Variants in AGBL4 observed in about 807,000 individuals in gnomAD.
The protein encoded by AGBL4 is cytosolic carboxypeptidase 6.
A neutral mutation model predicts 66.4 loss-of-function variants in AGBL4; 58 were observed. That is an observed-to-expected ratio of 0.87 (90% CI 0.71 to 1.09). AGBL4 has a LOEUF of 1.09. Ranked by LOEUF, AGBL4 falls within the 50% of genes least tolerant of loss-of-function variation. AGBL4 has a pLI of 0.00. For synonymous variants in AGBL4, 234 were observed against 222.9 expected (o/e 1.05, Z -0.44); for missense variants, 579 against 631.0 (o/e 0.92, Z 0.88).
chr1:49,953,553 G>A (rs2148329032), intron 1 of AGBL4, among the ~76,000 whole-genome samples: 1 of 151,880 alleles, frequency 6.6e-6, no homozygotes, highest in African/African-American at 2.4e-5. Context: ...CAGAAGTACA[G>A]GTTGAGCACG....
intron 5 of AGBL4, among the ~76,000 whole-genome samples, chr1:49,029,579 A>G (rs1321524339): frequency 2.0e-5 from 3 of 152,192 alleles, no homozygotes; most frequent in African/African-American, 7.2e-5. Context: ...TCAGAAAATT[A>G]AATATTGTTG....
intron 4 of AGBL4, among the ~76,000 whole-genome samples, chr1:49,234,012 T>C (rs1461404418): frequency 6.6e-6 from 1 of 152,154 alleles, no homozygotes; most frequent in Non-Finnish European, 1.5e-5. Flanking sequence ...CTGGCTAGAA[T>C]AGAGATGATG....
intron 1 of AGBL4, among the ~76,000 whole-genome samples, chr1:49,897,378 C>T (rs189103929): frequency 1.1e-4 from 16 of 151,720 alleles, no homozygotes; most frequent in East Asian, 5.8e-4. Context: ...AAATTATATA[C>T]GTCAGAATTA....
At chr1:48,879,000 A>G (rs1042189667) in intron 5 of AGBL4, among the ~76,000 whole-genome samples, 2 of 152,156 alleles carry the variant, frequency 1.3e-5, no homozygotes, top group African/African-American at 4.8e-5. Context: ...CAGCTTGATT[A>G]TGAGGAAAGA....
At chr1:49,266,902 G>A (rs1407709544) in intron 3 of AGBL4, among the ~76,000 whole-genome samples, 1 of 152,206 alleles carries the variant, frequency 6.6e-6, no homozygotes, top group Non-Finnish European at 1.5e-5. Flanking sequence ...GAAAGGTTCA[G>A]ATTTGTGTTT....
At chr1:48,614,341 C>T (rs1570008194) in intron 9 of AGBL4, among the ~76,000 whole-genome samples, 2 of 152,326 alleles carry the variant, frequency 1.3e-5, no homozygotes, top group South Asian at 4.1e-4. Context: ...TAAGTTTTCT[C>T]ATTTGTAAAA....
intron 3 of AGBL4, among the ~76,000 whole-genome samples, chr1:49,276,072 A>C (rs948549154): frequency 6.6e-6 from 1 of 151,870 alleles, no homozygotes; most frequent in Non-Finnish European, 1.5e-5. Context: ...TTTCCATAGA[A>C]ATGCCTCTTA....
chr1:48,761,549 A>C, intron 6 of AGBL4: 1 of 1,393,926 alleles, frequency 7.2e-7, no homozygotes, highest in Non-Finnish European at 9.6e-7. Context: ...CAAAACCTCA[A>C]ATGCTAGAAA....
chr1:49,073,984 C>A (rs1026224508), intron 4 of AGBL4, among the ~76,000 whole-genome samples: 1 of 152,176 alleles, frequency 6.6e-6, no homozygotes, highest in Non-Finnish European at 1.5e-5. Context: ...CCTTGCTGAG[C>A]TGTGGTGGGC....
At chr1:49,118,944 G>A (rs1288736600) in intron 4 of AGBL4, among the ~76,000 whole-genome samples, 3 of 152,144 alleles carry the variant, frequency 2.0e-5, no homozygotes, top group Non-Finnish European at 4.4e-5. Context: ...ATGTGTCTAG[G>A]AATTTATCCA....
chr1:48,925,699 T>C (rs1002991700), intron 5 of AGBL4, among the ~76,000 whole-genome samples: 1 of 152,190 alleles, frequency 6.6e-6, no homozygotes, highest in African/African-American at 2.4e-5. Flanking sequence ...TTTTTTTGAA[T>C]ATTTTTGATC....
intron 6 of AGBL4, among the ~76,000 whole-genome samples, chr1:48,808,605 C>T (rs549615177): frequency 1.3e-5 from 2 of 152,222 alleles, no homozygotes; most frequent in South Asian, 2.1e-4. Flanking sequence ...GCTGAGATCA[C>T]AGTTGGAAAG....
At chr1:49,497,690 C>T (rs1647732780) in intron 3 of AGBL4, among the ~76,000 whole-genome samples, 1 of 151,898 alleles carries the variant, frequency 6.6e-6, no homozygotes. Context: ...AATAAATTGA[C>T]CATAGATATG....
At chr1:49,376,250 C>T (rs1345813554) in intron 3 of AGBL4, among the ~76,000 whole-genome samples, 1 of 151,976 alleles carries the variant, frequency 6.6e-6, no homozygotes, top group African/African-American at 2.4e-5. Flanking sequence ...TGTTCACTGC[C>T]CTTCCAGATC....
chr1:49,097,529 C>G (rs1425922895), intron 4 of AGBL4, among the ~76,000 whole-genome samples: 1 of 152,180 alleles, frequency 6.6e-6, no homozygotes, highest in African/African-American at 2.4e-5. Flanking sequence ...GGAGGTTACC[C>G]ATGAAGGCCA....
intron 5 of AGBL4, among the ~76,000 whole-genome samples, chr1:48,884,982 A>T (rs934109449): frequency 6.5e-5 from 3 of 45,874 alleles, no homozygotes; most frequent in Non-Finnish European, 1.4e-4. Context: ...CAGATTTAAA[A>T]AAAAAAAAAA....
intron 3 of AGBL4, among the ~76,000 whole-genome samples, chr1:49,618,920 G>A (rs762647972): frequency 2.9e-4 from 44 of 152,068 alleles, no homozygotes; most frequent in Non-Finnish European, 2.4e-4. Flanking sequence ...ATTCAACACC[G>A]CTTCATGCTA....
intron 6 of AGBL4, among the ~76,000 whole-genome samples, chr1:48,840,643 G>T (rs920516282): frequency 6.6e-6 from 1 of 152,144 alleles, no homozygotes; most frequent in Non-Finnish European, 1.5e-5. Flanking sequence ...TGCTAGCAAG[G>T]ATGCAGAGTA....
chr1:48,634,580 CA>C lies in AGBL4; in HGVS notation c.863del (p.Leu288ArgfsTer19). 4 of 1,603,154 alleles carry C rather than the reference CA, an allele frequency of 2.5e-6. No homozygotes were observed. The highest frequency in any genetic ancestry group is 3.4e-6 in the Non-Finnish European group (4 of 1,174,632). On this transcript the variant is annotated frameshift_variant, in exon 9 of 14. Transcript: ENST00000371839. LOFTEE classifies it high-confidence loss of function. The part of the protein sequence containing the change: ...NYRCSLMGFD[L>X]NRHWLDPSPW... ...GAGAGGGATCCAGCCAGTGACGATT[CA>C]GATCAAATCCCATCAGAGAACACCT...
Sources: gnomAD v4.1 joint callset for allele counts (sites outside exome capture counted in the v4.1 genomes callset) on GRCh38, gnomAD v4.1.1 for gene constraint, MANE v1.5 for transcripts, NCBI Gene and HGNC (gene_info 2026-07-23, HGNC 2026-07-21) for gene names.